Variants in NINJ2 observed in about 807,000 individuals in gnomAD.
The protein encoded by NINJ2 is ninjurin 2.
NINJ2 carries 12 observed loss-of-function variants against 11.7 expected under a neutral mutation model. The ratio of observed to expected loss-of-function variants is 1.02; its 90% CI spans 0.66 to 1.66. NINJ2 has a LOEUF of 1.66. Among genes scored for constraint, NINJ2 ranks in the 40% most tolerant of loss-of-function variants. The pLI is 0.00. For synonymous variants in NINJ2, 93 were observed against 76.8 expected, an observed-to-expected ratio of 1.21 and a Z score of -1.10; for missense variants, 187 against 181.8, an observed-to-expected ratio of 1.03 and a Z score of -0.16.
chr12:636,006 C>T (rs777031213), intron 1 of NINJ2, among the ~76,000 whole-genome samples: 5 of 150,884 alleles, frequency 3.3e-5, no homozygotes, highest in South Asian at 2.1e-4. Flanking sequence ...GAGCCTGGGA[C>T]GCAGAGGTTG....
chr12:651,725 G>A (rs146981352), intron 1 of NINJ2, among the ~76,000 whole-genome samples: 1 of 152,316 alleles, frequency 6.6e-6, no homozygotes, highest in East Asian at 1.9e-4. Flanking sequence ...AAGAAGAGAT[G>A]GGCAACGTAA....
chr12:632,924 C>G (rs1030488765), intron 1 of NINJ2, among the ~76,000 whole-genome samples: 14 of 152,206 alleles, frequency 9.2e-5, no homozygotes, highest in Admixed American at 7.2e-4. Context: ...AAACCAGAAC[C>G]AAGTGTGGGC....
chr12:589,366 A>T (rs1331445328), intron 1 of NINJ2, among the ~76,000 whole-genome samples: 1 of 152,260 alleles, frequency 6.6e-6, no homozygotes, highest in Non-Finnish European at 1.5e-5. Context: ...ATGATTCTAT[A>T]TTGGTAAAAA....
intron 1 of NINJ2, among the ~76,000 whole-genome samples, chr12:587,355 C>A (rs1258575400): frequency 3.3e-5 from 5 of 152,264 alleles, no homozygotes; most frequent in African/African-American, 1.2e-4. Context: ...GCGGGAGCAA[C>A]TCCCGGTCAA....
At chr12:586,098 G>A (rs10774340) in intron 1 of NINJ2, 41,147 of 151,608 alleles carry the variant, frequency 0.27, 5,901 homozygotes, top group South Asian at 0.37. Context: ...GTTGATTAAG[G>A]GTGAGCCTCA....
rs1250603144 is a variant in NINJ2, at chr12:595,621, T to C, written c.34-29443A>G. Among the ~76,000 whole-genome samples the C allele has an allele frequency of 2.6e-5, 4 of 152,220 alleles. No homozygotes were observed. The South Asian group carries it at 8.3e-4, about 32-fold the overall frequency. On this transcript the variant is annotated intron_variant, in intron 1 of 3. Coordinates refer to ENST00000305108, the MANE Select transcript of NINJ2 (RefSeq NM_016533.6). Reference sequence around the variant, plus strand: ...ATACAAAATTAGCCGGGCGTGTTGGTGCATGCCTGTAATCCCAGTTACTCG... The same window carrying C: ...ATACAAAATTAGCCGGGCGTGTTGGCGCATGCCTGTAATCCCAGTTACTCG...
At chr12:588,120 C>T (rs1947665897) in intron 1 of NINJ2, among the ~76,000 whole-genome samples, 1 of 150,094 alleles carries the variant, frequency 6.7e-6, no homozygotes, top group African/African-American at 2.5e-5. Context: ...ATGTGAAAAG[C>T]CAAATCAATT....
At chr12:578,270 G>A (rs1947498130) in intron 1 of NINJ2, among the ~76,000 whole-genome samples, 1 of 152,160 alleles carries the variant, frequency 6.6e-6, no homozygotes, top group South Asian at 2.1e-4. Flanking sequence ...TTGGAGATGT[G>A]AATCTTGCCA....
intron 1 of NINJ2, among the ~76,000 whole-genome samples, chr12:598,902 G>A (rs1387755772): frequency 6.6e-6 from 1 of 151,750 alleles, no homozygotes; most frequent in Non-Finnish European, 1.5e-5. Context: ...GTTTCACCAT[G>A]TTGGCCAGGC....
chr12:660,713 C>T (rs1185068165), intron 1 of NINJ2, among the ~76,000 whole-genome samples: 3 of 152,208 alleles, frequency 2.0e-5, no homozygotes, highest in Middle Eastern at 3.4e-3. Context: ...GTAATCCCAG[C>T]ACTTTGGGAG....
chr12:603,987 G>A (rs4980840), intron 1 of NINJ2, among the ~76,000 whole-genome samples: 33,493 of 152,084 alleles, frequency 0.22, 3,947 homozygotes, highest in East Asian at 0.3. Flanking sequence ...CCCCCGCTGA[G>A]TCGTCATAGA....
intron 1 of NINJ2, among the ~76,000 whole-genome samples, chr12:597,859 T>C (rs1018971872): frequency 7.2e-5 from 11 of 152,258 alleles, no homozygotes; most frequent in Admixed American, 6.5e-5. Flanking sequence ...TTGTTGCTTT[T>C]GGGGAATGCT....
intron 1 of NINJ2, among the ~76,000 whole-genome samples, chr12:610,850 C>T (rs1297187589): frequency 6.6e-6 from 1 of 151,094 alleles, no homozygotes; most frequent in Non-Finnish European, 1.5e-5. Flanking sequence ...TCTCCTGCCT[C>T]AGCCTCCCAA....
intron 1 of NINJ2, among the ~76,000 whole-genome samples, chr12:617,161 T>TGTG (rs1948102769): frequency 1.3e-5 from 2 of 152,028 alleles, no homozygotes; most frequent in African/African-American, 4.8e-5. Context: ...AGCTGATCAC[T>TGTG]CCATTGCACT....
At chr12:624,124 G>C (rs540117623) in intron 1 of NINJ2, among the ~76,000 whole-genome samples, 1 of 152,022 alleles carries the variant, frequency 6.6e-6, no homozygotes, top group Non-Finnish European at 1.5e-5. Context: ...TGAACTCTAC[G>C]TCCCATCCTC....
intron 1 of NINJ2, among the ~76,000 whole-genome samples, chr12:604,594 C>G (rs1335987508): frequency 6.6e-6 from 1 of 152,072 alleles, no homozygotes; most frequent in Admixed American, 6.6e-5. Flanking sequence ...GCTGAGATGG[C>G]GCCACTGCTC....
In NINJ2 at chr12:581,563, C is replaced by T. The variant is rs556054846; in HGVS notation, c.34-15385G>A. Among the ~76,000 whole-genome samples the T allele has an allele frequency of 4.5e-4, 68 of 152,266 alleles. No homozygotes were observed. Among genetic ancestry groups the T allele is most frequent in the Non-Finnish European group, 8.8e-4 (60 of 68,022 alleles). On this transcript the variant is annotated intron_variant, in intron 1 of 3. Transcript: ENST00000305108. The surrounding 1 kb of genome is among the most constrained non-coding windows in gnomAD (Gnocchi z 4.9). ...GGCTCTCCTGTCCTTCCTCAGGATT[C>T]GAAATGGGGCCAGTCACACATTCTC...
At chr12:663,215 TAAG>T in intron 1 of NINJ2, 110 bp downstream of exon 1, 3 of 936,104 alleles carry the variant, frequency 3.2e-6, no homozygotes, top group Non-Finnish European at 4.9e-6. Flanking sequence ...AGGGAGTGAG[TAAG>T]AAGAGAACGG....
rs984237073 is a variant in NINJ2, at chr12:580,854, G to A, written c.34-14676C>T. ...TGTGTGTATGCATGTGTGTCTGTGTGTGCATGAGTGTCTGTGTGAATGTGT... is the reference window on the plus strand; with the variant it reads ...TGTGTGTATGCATGTGTGTCTGTGTATGCATGAGTGTCTGTGTGAATGTGT... On this transcript the variant is annotated intron_variant, in intron 1 of 3. Coordinates refer to ENST00000305108, the MANE Select transcript of NINJ2 (RefSeq NM_016533.6). This position sits in a 1 kb window ranked among gnomAD's most constrained non-coding sequence, Gnocchi z 4.7. Among the ~76,000 whole-genome samples the A allele has an allele frequency of 4.6e-5, 7 of 151,994 alleles. No individual in the cohort carries two copies. The highest frequency in any genetic ancestry group is 8.8e-5 in the Non-Finnish European group (6 of 67,944).
Sources: gnomAD v4.1 joint callset for allele counts (sites outside exome capture counted in the v4.1 genomes callset) on GRCh38, gnomAD v4.1.1 for gene constraint, Gnocchi (gnomAD v3.1) non-coding constraint, MANE v1.5 for transcripts, NCBI Gene and HGNC (gene_info 2026-07-23, HGNC 2026-07-21) for gene names.